Variants in COL10A1 observed in about 807,000 individuals in gnomAD.
COL10A1 encodes collagen alpha-1(X) chain.
Under a neutral mutation model 18.2 loss-of-function variants are expected in COL10A1, and 10 were observed. The ratio of observed to expected loss-of-function variants is 0.55; its 90% CI spans 0.34 to 0.93. The LOEUF (loss-of-function observed/expected upper bound fraction) is 0.93, where lower values mean the gene tolerates loss of function less well. Ranked by LOEUF, COL10A1 falls within the 40% of genes least tolerant of loss-of-function variation. The pLI is 0.02. For synonymous variants in COL10A1, 330 were observed against 316.6 expected (o/e 1.04, Z -0.45); for missense variants, 897 against 853.5 (o/e 1.05, Z -0.64).
chr6:116,119,923 G>A lies in COL10A1; in HGVS notation c.*150C>T, dbSNP rs1779057441. The A allele has an allele frequency of 4.0e-6, 3 of 746,002 alleles. No individual in the cohort carries two copies. Among genetic ancestry groups the A allele is most frequent in the Non-Finnish European group, 6.8e-6 (3 of 440,870 alleles). The allele number at this position is 746,002 out of a possible 1,614,324, so 46.2% of individuals were successfully genotyped here. ...TTACGTTGCTGCTCACTTTTCAGGG[G>A]GAAGGTTTGTTGGTCTGATAGCTCA... On this transcript the variant is annotated 3_prime_UTR_variant, in exon 3 of 3. Transcript: ENST00000651968.
chr6:116,120,488 T>A lies in COL10A1; in HGVS notation c.1628A>T (p.Asn543Ile), dbSNP rs1779081247. 1.2e-6 allele frequency: 2 copies of A among 1,614,110 alleles called. No individual in the cohort carries two copies. The highest frequency in any genetic ancestry group is 2.7e-5 in the African/African-American group (2 of 74,942). The change falls in exon 3 of 3, where the codon AAC (asparagine) becomes ATC (isoleucine). Residue 543 changes from asparagine to isoleucine, a missense_variant. Transcript: ENST00000651968. ...SLSGTPLVSA[N>I]QGVTGMPVSA... ...CACAGGCATTCCTGTTACCCCCTGG[T>A]TGGCACTAACAAGAGGGGTCCCAGA...
chr6:116,179,952 T>C, the COL10A1 span, among the ~76,000 whole-genome samples: 1 of 152,146 alleles, frequency 6.6e-6, no homozygotes, highest in African/African-American at 2.4e-5. Context: ...CAGAACAGTG[T>C]AGATAATGTG....
At chr6:116,186,447 C>T in the COL10A1 span, among the ~76,000 whole-genome samples, 3 of 151,866 alleles carry the variant, frequency 2.0e-5, no homozygotes, top group Admixed American at 2.0e-4. Context: ...GGGAAGTTGT[C>T]CTCGATTATT....
intron 2 of COL10A1, among the ~76,000 whole-genome samples, chr6:116,123,057 A>G (rs897926535): frequency 2.6e-5 from 4 of 152,222 alleles, no homozygotes; most frequent in African/African-American, 9.7e-5. Flanking sequence ...GAATTTTTTA[A>G]TGGGTTGGAG....
the COL10A1 span, among the ~76,000 whole-genome samples, chr6:116,178,113 G>A: frequency 9.4e-5 from 7 of 74,264 alleles, no homozygotes; most frequent in Admixed American, 2.5e-4. Flanking sequence ...GTGCGTGCGT[G>A]TGTGTGTGTG....
the COL10A1 span, among the ~76,000 whole-genome samples, chr6:116,205,606 G>A: frequency 6.6e-6 from 1 of 151,484 alleles, no homozygotes; most frequent in Admixed American, 6.6e-5. Context: ...AATTGGGGGG[G>A]AAAAAAGGCT....
At chr6:116,130,195 G>A (rs2114327112), upstream of COL10A1, among the ~76,000 whole-genome samples, 1 of 152,264 alleles carries the variant, frequency 6.6e-6, no homozygotes, top group Non-Finnish European at 1.5e-5. Flanking sequence ...AGTACAGTGT[G>A]TATAGAAAAA....
the COL10A1 span, among the ~76,000 whole-genome samples, chr6:116,185,302 T>C: frequency 6.6e-6 from 1 of 152,118 alleles, no homozygotes; most frequent in Non-Finnish European, 1.5e-5. Context: ...TCTTGGAGAA[T>C]GTTCCATGTG....
the COL10A1 span, among the ~76,000 whole-genome samples, chr6:116,206,815 A>C: frequency 1.3e-5 from 2 of 151,976 alleles, no homozygotes; most frequent in East Asian, 3.9e-4. Flanking sequence ...AGTCTAGTGC[A>C]GTTTCCTCTT....
chr6:116,157,789 A>G (rs111383438), intron 1 of COL10A1, among the ~76,000 whole-genome samples: 86 of 152,332 alleles, frequency 5.6e-4, no homozygotes, highest in African/African-American at 1.8e-3. Context: ...CGGGGAAATC[A>G]AAAACTGATA....
At chr6:116,200,928 C>A in the COL10A1 span, among the ~76,000 whole-genome samples, 1 of 151,998 alleles carries the variant, frequency 6.6e-6, no homozygotes, top group African/African-American at 2.4e-5. Context: ...TTACAACTTA[C>A]CAGTGCTTTT....
At chr6:116,197,760 G>T in the COL10A1 span, among the ~76,000 whole-genome samples, 10 of 152,098 alleles carry the variant, frequency 6.6e-5, no homozygotes, top group African/African-American at 2.4e-4. Context: ...GTGAGATAAT[G>T]TATAAAGAAC....
the COL10A1 span, among the ~76,000 whole-genome samples, chr6:116,189,501 T>C: frequency 6.6e-6 from 1 of 152,152 alleles, no homozygotes; most frequent in Non-Finnish European, 1.5e-5. Context: ...AGAACCTTTT[T>C]ATATTTAGGA....
chr6:116,152,605 CTTTA>C (rs1780073722), intron 1 of COL10A1, among the ~76,000 whole-genome samples: 1 of 152,124 alleles, frequency 6.6e-6, no homozygotes, highest in Admixed American at 6.6e-5. Flanking sequence ...TTTACCAGGT[CTTTA>C]TTTAACCCCT....
chr6:116,144,226 A>C (rs764492877), intron 1 of COL10A1, among the ~76,000 whole-genome samples: 1 of 152,142 alleles, frequency 6.6e-6, no homozygotes, highest in South Asian at 2.1e-4. Flanking sequence ...AAAGGAGGCC[A>C]GGCACAGTGG....
At chr6:116,187,048 A>C in the COL10A1 span, among the ~76,000 whole-genome samples, 1 of 152,046 alleles carries the variant, frequency 6.6e-6, no homozygotes, top group Admixed American at 6.6e-5. Flanking sequence ...CTTTTGTCCC[A>C]CAGGGTGCTC....
At chr6:116,165,806 C>G in the COL10A1 span, among the ~76,000 whole-genome samples, 1 of 152,234 alleles carries the variant, frequency 6.6e-6, no homozygotes. Flanking sequence ...TGCTGGTCCC[C>G]TGTGGTTGTC....
At chr6:116,148,877 C>T (rs970053619) in intron 1 of COL10A1, among the ~76,000 whole-genome samples, 11 of 151,970 alleles carry the variant, frequency 7.2e-5, no homozygotes, top group Non-Finnish European at 1.2e-4. Flanking sequence ...GCCAAAGAAA[C>T]GTTTTTAAAA....
chr6:116,174,365 A>G, the COL10A1 span, among the ~76,000 whole-genome samples: 1 of 152,136 alleles, frequency 6.6e-6, no homozygotes, highest in African/African-American at 2.4e-5. Context: ...TAGACATACC[A>G]TTTTGACCTT....
Sources: allele counts gnomAD v4.1 joint callset (sites outside exome capture counted in the v4.1 genomes callset), GRCh38; gene constraint gnomAD v4.1.1; transcripts MANE v1.5; gene names NCBI Gene and HGNC (gene_info 2026-07-23, HGNC 2026-07-21).